Variants in GRIP2 observed in about 807,000 individuals in gnomAD.
GRIP2 encodes the protein glutamate receptor interacting protein 2, also known as glutamate receptor-interacting protein 2.
In GRIP2, 58 loss-of-function variants were observed where a neutral mutation model predicts 108.3. That is an observed-to-expected ratio of 0.54 (90% CI 0.43 to 0.67). The LOEUF (loss-of-function observed/expected upper bound fraction) is 0.67, where lower values mean the gene tolerates loss of function less well. Among genes scored for constraint, GRIP2 ranks in the 30% least tolerant of loss-of-function variants. The pLI is 0.00. For missense variants in GRIP2, 1,278 were observed against 1,430.6 expected (o/e 0.89, Z 1.72); for synonymous variants, 586 against 598.2 (o/e 0.98, Z 0.30).
At chr3:14,591,269 C>T in the GRIP2 span, among the ~76,000 whole-genome samples, 9 of 152,308 alleles carry the variant, frequency 5.9e-5, no homozygotes, top group Middle Eastern at 3.4e-3. Flanking sequence ...CCTGAGTGCC[C>T]GCCCCATCAC....
chr3:14,578,844 G>C, the GRIP2 span, among the ~76,000 whole-genome samples: 1 of 80,032 alleles, frequency 1.2e-5, no homozygotes, highest in Non-Finnish European at 2.5e-5. Context: ...ACCCAGGCCA[G>C]CTGTTTTTTT....
the GRIP2 span, among the ~76,000 whole-genome samples, chr3:14,583,931 T>C: frequency 6.6e-6 from 1 of 152,188 alleles, no homozygotes; most frequent in Non-Finnish European, 1.5e-5. Flanking sequence ...TCTAGTCAGA[T>C]TTCCTCCATA....
At chr3:14,535,270 C>A (rs1694808387) in intron 1 of GRIP2, among the ~76,000 whole-genome samples, 1 of 152,146 alleles carries the variant, frequency 6.6e-6, no homozygotes. Flanking sequence ...CAACTTGGGA[C>A]TTTGATTCTA....
chr3:14,572,660 A>G, the GRIP2 span, among the ~76,000 whole-genome samples: 3 of 151,456 alleles, frequency 2.0e-5, no homozygotes, highest in African/African-American at 7.3e-5. Flanking sequence ...TATCACAGGA[A>G]GTAGTATAAT....
At chr3:14,498,864 G>A (rs1183804940) in intron 21 of GRIP2, among the ~76,000 whole-genome samples, 1 of 152,222 alleles carries the variant, frequency 6.6e-6, no homozygotes, top group Non-Finnish European at 1.5e-5. Flanking sequence ...GAGCAGGAGT[G>A]GAACTGTCTG....
rs1406931752 is a variant in GRIP2, at chr3:14,524,672, A to G, written c.258-134T>C. On this transcript the variant is annotated intron_variant, in intron 3 of 23. Transcript: ENST00000621039. ...CACAAATGGGGAAGCTGAGGCTTAG[A>G]GAGGTCAGACAGTTGTCCAGGGTCA... 2.9e-5 allele frequency: 30 copies of G among 1,029,258 alleles called. No individual in the cohort carries two copies. In the Admixed American group the frequency reaches 6.4e-4, roughly 22 times the overall value. 63.8% of individuals were successfully genotyped at this position (1,029,258 alleles called of 1,614,324 possible).
Position 14,490,429 on chromosome 3 carries a change from T to C in GRIP2, c.*3236A>G, listed in dbSNP as rs1413798055. ...GCTCACAGAACTGTGGCCTCCCCAG[T>C]GGGGCCTGGCCCTGGCCTCTGGGTC... On this transcript the variant is annotated 3_prime_UTR_variant, in exon 24 of 24. Coordinates refer to ENST00000621039, the MANE Select transcript of GRIP2 (RefSeq NM_001080423.4). 1 of 152,792 alleles carries C rather than the reference T, an allele frequency of 6.5e-6. No homozygotes were observed. Among genetic ancestry groups the C allele is most frequent in the Non-Finnish European group, 1.5e-5 (1 of 68,502 alleles). 9.5% of individuals were successfully genotyped at this position (152,792 alleles called of 1,614,324 possible).
chr3:14,594,272 G>C, the GRIP2 span, among the ~76,000 whole-genome samples: 82,112 of 152,090 alleles, frequency 0.54, 22,461 homozygotes, highest in African/African-American at 0.61. Context: ...TAAACACTGG[G>C]CCAGTCTGTG....
At chr3:14,574,341 G>C in the GRIP2 span, 100 of 1,017,604 alleles carry the variant, frequency 9.8e-5, no homozygotes, top group Admixed American at 1.6e-4. Flanking sequence ...TTTGCGCACC[G>C]GCACAGCGAT....
At chr3:14,510,079 C>CA (rs2124882004) in intron 16 of GRIP2, 115 bp from the exon 17 acceptor site, 1 of 995,734 alleles carries the variant, frequency 1.0e-6, no homozygotes, top group Non-Finnish European at 1.3e-6. Flanking sequence ...CCCAGTCACT[C>CA]ACGCTCTGAT....
At position 14,505,824 on chromosome 3, in the gene GRIP2, G is replaced by A. The variant is rs376065312; in HGVS notation, c.2399-35C>T. 3.5e-5 allele frequency: 52 copies of A among 1,475,480 alleles called. No homozygotes were observed. Among genetic ancestry groups the A allele is most frequent in the Middle Eastern group, 3.9e-4 (2 of 5,134 alleles). The allele number at this position is 1,475,480 out of a possible 1,614,324, so 91.4% of individuals were successfully genotyped here. ...GAGAGAGGGCCTCTGTGTTCCCTGC[G>A]GCCTCACCTTGCCCTCCTGCCTGCC... is the stretch of plus-strand genomic sequence containing the variant. On this transcript the variant is annotated intron_variant, in intron 19 of 23. Coordinates refer to ENST00000621039, the MANE Select transcript of GRIP2 (RefSeq NM_001080423.4). This position sits in a 1 kb window ranked among gnomAD's most constrained non-coding sequence, Gnocchi z 4.2.
At chr3:14,537,524 TA>T (rs1383188714) in intron 1 of GRIP2, among the ~76,000 whole-genome samples, 10 of 152,228 alleles carry the variant, frequency 6.6e-5, no homozygotes, top group African/African-American at 2.2e-4. Flanking sequence ...GCTCAGCAAA[TA>T]TTTTTTTAAT....
the GRIP2 span, among the ~76,000 whole-genome samples, chr3:14,591,108 C>G: frequency 5.3e-5 from 8 of 152,224 alleles, no homozygotes; most frequent in Non-Finnish European, 1.2e-4. Flanking sequence ...GCACACTTCT[C>G]TCCACTCTGT....
Position 14,520,448 on chromosome 3 carries a change from G to C in GRIP2, c.802C>G (p.Leu268Val), listed in dbSNP as rs762030789. Residue 268 changes from leucine (L) to valine (V), a missense_variant, in exon 8 of 24, where the codon CTC (leucine) becomes GTC (valine). Transcript: ENST00000621039. ...ALGISLTTTS[L>V]RNKSVITIDR... ...ATGGTAATGACTGACTTGTTCCGGA[G>C]GGAGGTGGTGGTGAGCGAGATCCCC... The C allele has an allele frequency of 6.2e-7, 1 of 1,613,844 alleles. No individual in the cohort carries two copies. The highest frequency in any genetic ancestry group is 1.7e-5 in the Admixed American group (1 of 59,998).
At chr3:14,530,523 T>C (rs56319507) in intron 1 of GRIP2, among the ~76,000 whole-genome samples, 7,044 of 152,312 alleles carry the variant, frequency 0.046, 257 homozygotes, top group Middle Eastern at 0.11. Context: ...CATTCATTTT[T>C]ATCTTTAATT....
chr3:14,553,240 T>C (rs929772534), intron 1 of GRIP2, among the ~76,000 whole-genome samples: 1 of 152,108 alleles, frequency 6.6e-6, no homozygotes, highest in African/African-American at 2.4e-5. Flanking sequence ...CCCAAGTAGC[T>C]GGGATTACAG....
At chr3:14,531,569 C>T (rs954833286) in intron 1 of GRIP2, among the ~76,000 whole-genome samples, 1 of 152,218 alleles carries the variant, frequency 6.6e-6, no homozygotes, top group South Asian at 2.1e-4. Context: ...ACAGATCCTG[C>T]AGCAGCCATG....
At chr3:14,547,656 A>C (rs1343808882) in intron 1 of GRIP2, among the ~76,000 whole-genome samples, 1 of 152,146 alleles carries the variant, frequency 6.6e-6, no homozygotes, top group African/African-American at 2.4e-5. Context: ...CTCCTGGGTG[A>C]GGGGTCAGGC....
At chr3:14,551,739 T>C (rs182083125) in intron 1 of GRIP2, among the ~76,000 whole-genome samples, 101 of 152,282 alleles carry the variant, frequency 6.6e-4, no homozygotes, top group African/African-American at 2.4e-3. Flanking sequence ...AAGCTGACCG[T>C]GAAGGAACGC....
Sources: gnomAD v4.1 joint callset for allele counts (sites outside exome capture counted in the v4.1 genomes callset) on GRCh38, gnomAD v4.1.1 for gene constraint, Gnocchi (gnomAD v3.1) non-coding constraint, MANE v1.5 for transcripts, NCBI Gene and HGNC (gene_info 2026-07-23, HGNC 2026-07-21) for gene names.